Variants in SCN1A observed in about 807,000 individuals in gnomAD.
SCN1A encodes the protein sodium channel protein type 1 subunit alpha.
Under a neutral mutation model 193.7 loss-of-function variants are expected in SCN1A, and 13 were observed. The ratio of observed to expected loss-of-function variants is 0.07; its 90% CI spans 0.04 to 0.11. The LOEUF is 0.11. Ranked by LOEUF, SCN1A falls within the 10% of genes least tolerant of loss-of-function variation. The probability of loss-of-function intolerance (pLI) is 1.00; values close to 1 mark genes in which losing one functional copy is unlikely to be tolerated. For missense variants in SCN1A, 1,432 were observed against 2,451.1 expected (o/e 0.58, Z 8.78); for synonymous variants, 781 against 843.6 (o/e 0.93, Z 1.29).
intron 19 of SCN1A, among the ~76,000 whole-genome samples, chr2:166,032,718 C>A (rs1320214697): frequency 6.6e-6 from 1 of 152,054 alleles, no homozygotes; most frequent in African/African-American, 2.4e-5. Flanking sequence ...TATTTAATTA[C>A]AAAATTTCGT....
chr2:166,015,653 T>C lies in SCN1A; in HGVS notation c.3504A>G (p.Val1168=). ...DIGAPVEEQP[V]VEPEETLEPE... is the part of the protein sequence containing the mutation. ...GTTCAAGAGTTTCTTCAGGTTCCACTACGGGCTGTTCTTCTACAGGTGCGC... is the reference window on the plus strand; with the variant it reads ...GTTCAAGAGTTTCTTCAGGTTCCACCACGGGCTGTTCTTCTACAGGTGCGC... Residue 1168 remains valine (V), a synonymous_variant, in exon 20 of 29, where the codon GTA becomes GTG. Transcript: ENST00000674923. 6.2e-7 allele frequency: 1 copy of C among 1,612,962 alleles called. No individual in the cohort carries two copies. Among genetic ancestry groups the C allele is most frequent in the Non-Finnish European group, 8.5e-7 (1 of 1,179,056 alleles).
At chr2:166,094,634 T>A (rs16851516) in intron 2 of SCN1A, among the ~76,000 whole-genome samples, 3,349 of 152,334 alleles carry the variant, frequency 0.022, 284 homozygotes, top group Admixed American at 0.16. Context: ...TCTATTCAGT[T>A]GGCATCTTAC....
Position 166,069,641 on chromosome 2 carries a change from A to G in SCN1A, c.264+3717T>C, listed in dbSNP as rs867514432. Among the ~76,000 whole-genome samples, 17 of 152,330 alleles carry G rather than the reference A, an allele frequency of 1.1e-4. No homozygotes were observed. In the Middle Eastern group the frequency reaches 0.01, roughly 91 times the overall value. On this transcript the variant is annotated intron_variant, in intron 4 of 28. Transcript: ENST00000674923. The stretch of plus-strand genomic sequence containing the variant: ...GCACTTTAACATAAAATATAACATA[A>G]GGAATGGATTCTGCAAATATTTTTA...
chr2:165,998,283 G>C, intron 25 of SCN1A, 108 bp from the exon 26 acceptor site: 1 of 924,770 alleles, frequency 1.1e-6, no homozygotes, highest in Non-Finnish European at 1.6e-6. Flanking sequence ...TAATATGTCA[G>C]CATTTTTTTT....
intron 2 of SCN1A, among the ~76,000 whole-genome samples, chr2:166,119,497 C>T (rs1206521423): frequency 6.6e-6 from 1 of 152,034 alleles, no homozygotes; most frequent in Non-Finnish European, 1.5e-5. Flanking sequence ...CTCAAATGTT[C>T]AATTTGAGGT....
intron 2 of SCN1A, among the ~76,000 whole-genome samples, chr2:166,080,507 T>A (rs1469198134): frequency 6.6e-6 from 1 of 151,792 alleles, no homozygotes; most frequent in Non-Finnish European, 1.5e-5. Context: ...GAAGGAATTT[T>A]AAAAAATATT....
intron 7 of SCN1A, among the ~76,000 whole-genome samples, chr2:166,053,814 C>T (rs1487640737): frequency 3.3e-5 from 5 of 151,882 alleles, no homozygotes; most frequent in Non-Finnish European, 7.4e-5. Context: ...GTTGGGCTGC[C>T]TCCTTCTACA....
intron 19 of SCN1A, among the ~76,000 whole-genome samples, chr2:166,030,890 G>A (rs1187235085): frequency 6.6e-6 from 1 of 152,090 alleles, no homozygotes; most frequent in Non-Finnish European, 1.5e-5. Flanking sequence ...TATTTGGGGA[G>A]ATAAGATTTT....
chr2:166,043,643 G>A (rs764919995), intron 14 of SCN1A, 26 bp downstream of exon 14: 6 of 1,601,154 alleles, frequency 3.7e-6, no homozygotes, highest in South Asian at 1.1e-5. Flanking sequence ...AGCCAGCCAT[G>A]CCTGAACTAT....
intron 16 of SCN1A, among the ~76,000 whole-genome samples, chr2:166,040,474 A>T (rs2105823527): frequency 6.6e-6 from 1 of 152,316 alleles, no homozygotes; most frequent in Admixed American, 6.5e-5. Flanking sequence ...TCAAAAATAT[A>T]ACTAATAAAA....
chr2:166,017,208 T>C (rs573181302), intron 19 of SCN1A, among the ~76,000 whole-genome samples: 9 of 151,902 alleles, frequency 5.9e-5, no homozygotes, highest in African/African-American at 1.7e-4. Flanking sequence ...TAGGCCTGCA[T>C]ACTATGCTCA....
chr2:166,126,659 TAGA>T (rs1691277334), intron 2 of SCN1A, among the ~76,000 whole-genome samples: 1 of 152,320 alleles, frequency 6.6e-6, no homozygotes, highest in African/African-American at 2.4e-5. Context: ...TGTAAATCCA[TAGA>T]AGAAGAAGAC....
At chr2:166,035,463 A>G (rs1696203108) in intron 19 of SCN1A, among the ~76,000 whole-genome samples, 1 of 152,168 alleles carries the variant, frequency 6.6e-6, no homozygotes, top group Non-Finnish European at 1.5e-5. Context: ...AAAAAAATCT[A>G]TATGGAAAAT....
chr2:166,147,675 T>A (rs904822614), intron 1 of SCN1A, among the ~76,000 whole-genome samples: 1 of 152,154 alleles, frequency 6.6e-6, no homozygotes, highest in African/African-American at 2.4e-5. Context: ...GCCTATTGAC[T>A]TCAGTAATAT....
chr2:166,042,461 T>G, intron 14 of SCN1A, 37 bp from the exon 15 acceptor site: 1 of 1,604,850 alleles, frequency 6.2e-7, no homozygotes, highest in East Asian at 2.2e-5. Flanking sequence ...AACAATTAAT[T>G]TGAGCAATAT....
intron 3 of SCN1A, 107 bp from the exon 4 acceptor site, chr2:166,073,777 C>T: frequency 2.3e-6 from 2 of 869,026 alleles, no homozygotes; most frequent in Non-Finnish European, 1.7e-6. Flanking sequence ...TCTGTTTTCT[C>T]CTTAAATTGA....
chr2:166,107,892 A>G (rs1688864572), intron 2 of SCN1A, among the ~76,000 whole-genome samples: 1 of 152,130 alleles, frequency 6.6e-6, no homozygotes, highest in South Asian at 2.1e-4. Context: ...TACATAAGGT[A>G]ATAATTTCTT....
intron 26 of SCN1A, among the ~76,000 whole-genome samples, chr2:165,997,681 G>T (rs575063041): frequency 7.9e-5 from 12 of 151,362 alleles, no homozygotes; most frequent in Admixed American, 2.6e-4. Flanking sequence ...ATTTTCAAGG[G>T]GGAGTGGGTA....
intron 2 of SCN1A, among the ~76,000 whole-genome samples, chr2:166,116,969 C>T (rs1047578104): frequency 6.6e-6 from 1 of 152,064 alleles, no homozygotes; most frequent in South Asian, 2.1e-4. Context: ...TTAATATTAC[C>T]ACTAATCACA....
Sources: allele counts gnomAD v4.1 joint callset (sites outside exome capture counted in the v4.1 genomes callset), GRCh38; gene constraint gnomAD v4.1.1; transcripts MANE v1.5; gene names NCBI Gene and HGNC (gene_info 2026-07-23, HGNC 2026-07-21).